Variants in RUVBL1 observed in about 807,000 individuals in gnomAD.
The protein encoded by RUVBL1 is RuvB like AAA ATPase 1.
A neutral mutation model predicts 52.4 loss-of-function variants in RUVBL1; 4 were observed. The observed-to-expected ratio is 0.08, with a 90% CI of 0.04 to 0.17. RUVBL1 has a LOEUF of 0.17. Among genes scored for constraint, RUVBL1 ranks in the 10% least tolerant of loss-of-function variants. The probability of loss-of-function intolerance (pLI) is 1.00; values close to 1 mark genes in which losing one functional copy is unlikely to be tolerated. For synonymous variants in RUVBL1, 217 were observed against 214.4 expected (o/e 1.01, Z -0.10); for missense variants, 298 against 572.8 (o/e 0.52, Z 4.90).
At chr3:128,124,636 G>C (rs905173163), upstream of RUVBL1, among the ~76,000 whole-genome samples, 14 of 152,284 alleles carry the variant, frequency 9.2e-5, 1 homozygote, top group East Asian at 2.7e-3. Flanking sequence ...ACAAACACGA[G>C]CCAGACACCA....
intron 2 of RUVBL1, among the ~76,000 whole-genome samples, chr3:128,114,085 A>C (rs1943459564): frequency 6.6e-6 from 1 of 152,232 alleles, no homozygotes; most frequent in Non-Finnish European, 1.5e-5. Context: ...CAGACTTCAC[A>C]GGTGTACGGT....
At chr3:128,147,563 C>T (rs1456208929) in intron 1 of RUVBL1, among the ~76,000 whole-genome samples, 2 of 151,964 alleles carry the variant, frequency 1.3e-5, no homozygotes, top group Non-Finnish European at 2.9e-5. Context: ...AGAGTGAGAC[C>T]CCATCTCTAA....
Position 128,096,805 on chromosome 3 carries a change from C to T in RUVBL1, c.1016+495G>A, listed in dbSNP as rs1040642963. Reference sequence around the variant, plus strand: ...TCGCGCCACTGCACTCCAGCCTGGGCGACACAGTGAGACTCTGTCCCCAAA... The same window carrying T: ...TCGCGCCACTGCACTCCAGCCTGGGTGACACAGTGAGACTCTGTCCCCAAA... On this transcript the variant is annotated intron_variant, in intron 8 of 10. Coordinates refer to ENST00000322623, the MANE Select transcript of RUVBL1 (RefSeq NM_003707.3). 9.9e-5 allele frequency among the ~76,000 whole-genome samples: 15 copies of T among 150,924 alleles called. 1 individual carries two copies. Among genetic ancestry groups the T allele is most frequent in the South Asian group, 4.2e-4 (2 of 4,784 alleles).
intron 1 of RUVBL1, among the ~76,000 whole-genome samples, chr3:128,145,732 A>G (rs1944094075): frequency 6.6e-6 from 1 of 152,218 alleles, no homozygotes; most frequent in African/African-American, 2.4e-5. Context: ...GGGACTACAA[A>G]CTAAGGAATC....
chr3:128,077,459 G>C (rs1012332474), downstream of RUVBL1, among the ~76,000 whole-genome samples: 3 of 152,238 alleles, frequency 2.0e-5, no homozygotes, highest in African/African-American at 7.2e-5. Context: ...ACGGATGAAG[G>C]GGGTGAACAC....
chr3:128,152,011 G>C (rs756599468), intron 1 of RUVBL1, among the ~76,000 whole-genome samples: 5 of 152,194 alleles, frequency 3.3e-5, no homozygotes, highest in Non-Finnish European at 5.9e-5. Context: ...AGACTGAGCA[G>C]TGGCTTCCCT....
downstream of RUVBL1, among the ~76,000 whole-genome samples, chr3:128,076,893 C>T (rs1055011801): frequency 8.5e-5 from 13 of 152,170 alleles, no homozygotes; most frequent in Non-Finnish European, 2.9e-5. The surrounding 1 kb of genome is among the most constrained non-coding windows in gnomAD (Gnocchi z 6.8). Flanking sequence ...CATGCCCGCG[C>T]CCTCCCCGCA....
intron 1 of RUVBL1, among the ~76,000 whole-genome samples, chr3:128,137,510 T>C (rs1283060450): frequency 1.3e-5 from 2 of 152,292 alleles, no homozygotes; most frequent in East Asian, 1.9e-4. Flanking sequence ...AAAACCTGAA[T>C]AGACCAATAA....
intron 9 of RUVBL1, chr3:128,071,220 AG>A (rs1942158086): frequency 6.5e-6 from 1 of 153,076 alleles, no homozygotes; most frequent in Non-Finnish European, 1.5e-5. Flanking sequence ...AGCAGAACCA[AG>A]ATGGGCCCCA....
chr3:128,089,942 A>G (rs1576447463), intron 8 of RUVBL1, among the ~76,000 whole-genome samples: 1 of 117,908 alleles, frequency 8.5e-6, no homozygotes, highest in Admixed American at 8.6e-5. Flanking sequence ...AAAAAAAAAC[A>G]CAGAAATAAA....
rs1943519077 is a variant in RUVBL1, at chr3:128,116,219, CAT to C, written c.228+3107_228+3108del. Reference sequence around the variant, plus strand: ...AAAAGAGGACTCTTGAAGGGCCACACATGAGTAAAAAAGGTGGGCCATAACAA... The same window carrying C: ...AAAAGAGGACTCTTGAAGGGCCACACGAGTAAAAAAGGTGGGCCATAACAA... On this transcript the variant is annotated intron_variant, in intron 2 of 10. Transcript: ENST00000322623. Among the ~76,000 whole-genome samples, 6 of 151,536 alleles carry C rather than the reference CAT, an allele frequency of 4.0e-5. No individual in the cohort carries two copies. The South Asian group carries it at 1.3e-3, about 32-fold the overall frequency.
At chr3:128,110,707 G>C (rs1313309909) in intron 3 of RUVBL1, among the ~76,000 whole-genome samples, 1 of 152,056 alleles carries the variant, frequency 6.6e-6, no homozygotes, top group South Asian at 2.1e-4. Flanking sequence ...TGCTTATGGG[G>C]ACCTGGTCAG....
Position 128,082,428 on chromosome 3 carries a change from G to A in RUVBL1, c.1211+55C>T. 1 of 1,338,606 alleles carries A rather than the reference G, an allele frequency of 7.5e-7. No homozygotes were observed. The highest frequency in any genetic ancestry group is 1.7e-5 in the Admixed American group (1 of 59,532). The allele number at this position is 1,338,606 out of a possible 1,614,324, so 82.9% of individuals were successfully genotyped here. ...GCCTTTATTGTCCAGAATGACCCCA[G>A]CGAGGGCCCTGGCTGTGCTGGGGAG... On this transcript the variant is annotated intron_variant, in intron 10 of 10. Coordinates refer to ENST00000322623, the MANE Select transcript of RUVBL1 (RefSeq NM_003707.3). The surrounding 1 kb of genome is among the most constrained non-coding windows in gnomAD (Gnocchi z 4.7).
intron 3 of RUVBL1, among the ~76,000 whole-genome samples, chr3:128,105,808 T>C (rs191058510): frequency 2.6e-5 from 4 of 152,166 alleles, no homozygotes; most frequent in Non-Finnish European, 5.9e-5. Flanking sequence ...CCAGTTGTCA[T>C]GCATTATTTG....
At chr3:128,072,592 T>C (rs748389105) in intron 9 of RUVBL1, among the ~76,000 whole-genome samples, 6 of 152,110 alleles carry the variant, frequency 3.9e-5, no homozygotes, top group Non-Finnish European at 7.3e-5. Context: ...GCGCTCCCTC[T>C]GCACCTGCTG....
chr3:128,080,462 C>T (rs1305174074), downstream of RUVBL1, among the ~76,000 whole-genome samples: 2 of 152,186 alleles, frequency 1.3e-5, no homozygotes, highest in Non-Finnish European at 1.5e-5. Context: ...CAAACATGAC[C>T]TCAGCCAAAG....
At chr3:128,096,530 G>T (rs573129341) in intron 8 of RUVBL1, among the ~76,000 whole-genome samples, 183 of 152,312 alleles carry the variant, frequency 1.2e-3, no homozygotes, top group African/African-American at 4.0e-3. Flanking sequence ...GTCTGGGATA[G>T]AAAGAAAATG....
At chr3:128,077,425 T>C (rs1242677409), downstream of RUVBL1, among the ~76,000 whole-genome samples, 1 of 152,166 alleles carries the variant, frequency 6.6e-6, no homozygotes, top group Non-Finnish European at 1.5e-5. Context: ...GAGGAACTTC[T>C]GTGTGGAGAA....
At position 128,153,777 on chromosome 3, in the gene RUVBL1, G is replaced by C. The variant is rs183219145; in HGVS notation, c.-614C>G. ...GCGAGCCACTGCTTCAGGTCACGCT[G>C]GTCGACTGCCCCGGGCACGCCTCCC... is the stretch of plus-strand genomic sequence containing the variant. On this transcript the variant is annotated 5_prime_UTR_variant, in exon 1 of 10. Coordinates refer to the RUVBL1 transcript ENST00000464873. 17 of 1,534,622 alleles carry C rather than the reference G, an allele frequency of 1.1e-5. No individual in the cohort carries two copies. The African/African-American group carries it at 2.0e-4, about 18-fold the overall frequency.
Sources: allele counts gnomAD v4.1 joint callset (sites outside exome capture counted in the v4.1 genomes callset), GRCh38; gene constraint gnomAD v4.1.1; non-coding constraint Gnocchi (gnomAD v3.1); transcripts MANE v1.5; gene names NCBI Gene and HGNC (gene_info 2026-07-23, HGNC 2026-07-21).